The following CLASP1 variants were observed in gnomAD, a reference collection of about 807,000 sequenced individuals.
CLASP1 encodes cytoplasmic linker associated protein 1, also known as CLIP-associating protein 1.
CLASP1 carries 38 observed loss-of-function variants against 192.3 expected under a neutral mutation model. That is an observed-to-expected ratio of 0.20 (90% CI 0.15 to 0.26). The LOEUF (loss-of-function observed/expected upper bound fraction) is 0.26, where lower values mean the gene tolerates loss of function less well. CLASP1 is among the 10% of genes least tolerant of loss of function. The pLI is 1.00. For missense variants in CLASP1, 1,433 were observed against 1,932.5 expected (o/e 0.74, Z 4.85); for synonymous variants, 691 against 712.8 (o/e 0.97, Z 0.49).
At chr2:121,591,250 T>C (rs1210573974) in intron 2 of CLASP1, among the ~76,000 whole-genome samples, 1 of 152,226 alleles carries the variant, frequency 6.6e-6, no homozygotes, top group Non-Finnish European at 1.5e-5. Context: ...GACATCTTTT[T>C]TTACAAGGCT....
chr2:121,394,361 G>T (rs1248093935), intron 30 of CLASP1, among the ~76,000 whole-genome samples: 1 of 152,222 alleles, frequency 6.6e-6, no homozygotes, highest in Non-Finnish European at 1.5e-5. Context: ...CATTTCTGAA[G>T]AAGAGTTTTG....
intron 2 of CLASP1, among the ~76,000 whole-genome samples, chr2:121,583,587 T>C (rs892440250): frequency 2.0e-5 from 3 of 152,232 alleles, no homozygotes; most frequent in Non-Finnish European, 4.4e-5. Flanking sequence ...TAATTCACTC[T>C]TGACTTCACT....
At chr2:121,355,397 G>A (rs1424290932) in intron 37 of CLASP1, among the ~76,000 whole-genome samples, 1 of 152,136 alleles carries the variant, frequency 6.6e-6, no homozygotes, top group East Asian at 1.9e-4. Context: ...CCAAAGTGTT[G>A]GGATTACCGG....
At chr2:121,560,703 G>C (rs74437569) in intron 2 of CLASP1, among the ~76,000 whole-genome samples, 5,633 of 152,224 alleles carry the variant, frequency 0.037, 154 homozygotes, top group East Asian at 0.14. Context: ...GAAGTTAAAT[G>C]CTGGGTGCAT....
At chr2:121,525,256 T>C (rs1025603237) in intron 6 of CLASP1, among the ~76,000 whole-genome samples, 20 of 152,162 alleles carry the variant, frequency 1.3e-4, no homozygotes, top group South Asian at 2.1e-4. Flanking sequence ...ACTTTGTGAA[T>C]TGCCTGGTAA....
chr2:121,445,473 T>G (rs916804003), intron 19 of CLASP1: 5 of 1,289,630 alleles, frequency 3.9e-6, no homozygotes, highest in Non-Finnish European at 4.0e-6. Flanking sequence ...ATGTACTCCA[T>G]GTCTTCCCTC....
rs375994099 is a variant in CLASP1 at position 121,602,203 on chromosome 2, G to A, written c.195+3498C>T. Among the ~76,000 whole-genome samples the A allele has an allele frequency of 4.3e-4, 65 of 151,102 alleles. 1 individual carries two copies. In the South Asian group the frequency reaches 0.012, roughly 28 times the overall value. Reference sequence around the variant, plus strand: ...AAAAAAAAAAGAAGAAGAAGAAAGCGGCAATTCCATTTATGACAGCTACCA... The same window carrying A: ...AAAAAAAAAAGAAGAAGAAGAAAGCAGCAATTCCATTTATGACAGCTACCA... On this transcript the variant is annotated intron_variant, in intron 2 of 39. Coordinates refer to ENST00000263710, the Ensembl canonical transcript of CLASP1.
At chr2:121,419,629 A>C (rs780058302) in intron 22 of CLASP1, among the ~76,000 whole-genome samples, 1 of 152,144 alleles carries the variant, frequency 6.6e-6, no homozygotes, top group Non-Finnish European at 1.5e-5. Flanking sequence ...TACAAGACAG[A>C]ATTGCATGAA....
chr2:121,642,751 T>C (rs915907889), intron 1 of CLASP1, among the ~76,000 whole-genome samples: 19 of 152,030 alleles, frequency 1.2e-4, no homozygotes, highest in African/African-American at 4.6e-4. Context: ...CTCAAACAGT[T>C]TACCAAAATT....
chr2:121,575,713 G>A (rs1297568126), intron 2 of CLASP1, among the ~76,000 whole-genome samples: 3 of 152,166 alleles, frequency 2.0e-5, no homozygotes, highest in Admixed American at 1.3e-4. Context: ...ACATGAAAAC[G>A]AAAAGTAATT....
intron 9 of CLASP1, among the ~76,000 whole-genome samples, chr2:121,463,952 G>A (rs971466851): frequency 2.7e-5 from 4 of 150,518 alleles, no homozygotes; most frequent in Non-Finnish European, 5.9e-5. Context: ...CCATTAACTC[G>A]TCATTTAGCA....
rs2081108974 is a variant in CLASP1 at position 121,429,971 on chromosome 2, T to C, written c.2017+102A>G. ...GTATCTCAGAGCCACAAAAAATGTGTTTTTCCCTCTGAAGTCAATATAGAG... is the reference window on the plus strand; with the variant it reads ...GTATCTCAGAGCCACAAAAAATGTGCTTTTCCCTCTGAAGTCAATATAGAG... On this transcript the variant is annotated intron_variant, in intron 20 of 39. Transcript: ENST00000263710. 5 of 861,774 alleles carry C rather than the reference T, an allele frequency of 5.8e-6. No individual in the cohort carries two copies. In the East Asian group the frequency reaches 1.1e-4, roughly 19 times the overall value. 53.4% of individuals were successfully genotyped at this position (861,774 alleles called of 1,614,324 possible).
Position 121,605,980 on chromosome 2 carries a change from CTT to C in CLASP1, c.-87_-86del. On this transcript the variant is annotated 5_prime_UTR_variant, in exon 2 of 40. The change abolishes the stop of an existing upstream ORF in the 5' untranslated region. Coordinates refer to ENST00000263710, the Ensembl canonical transcript of CLASP1. ...AGCAGACGTATCTGGGAGGTTGCCT[CTT>C]TGTTCGCTGAAGGTTACTAAGAGCC... is the stretch of plus-strand genomic sequence containing the variant. 8.3e-7 allele frequency: 1 copy of C among 1,208,568 alleles called. No individual in the cohort carries two copies. The highest frequency in any genetic ancestry group is 2.4e-5 in the East Asian group (1 of 40,856). 74.9% of individuals were successfully genotyped at this position (1,208,568 alleles called of 1,614,324 possible). A position where few individuals can be genotyped will look rare whatever the true frequency, so the allele number is the denominator to read the frequency against.
chr2:121,562,880 C>A (rs2059207365), intron 2 of CLASP1, among the ~76,000 whole-genome samples: 1 of 152,162 alleles, frequency 6.6e-6, no homozygotes, highest in South Asian at 2.1e-4. Context: ...TGAAGTTGTT[C>A]TAAATTATTT....
intron 30 of CLASP1, among the ~76,000 whole-genome samples, chr2:121,392,394 C>A (rs191186467): frequency 6.6e-6 from 1 of 152,290 alleles, no homozygotes; most frequent in East Asian, 1.9e-4. Context: ...AATAGCAGAG[C>A]TGCAACTGCA....
At chr2:121,474,462 C>T (rs1025049735) in intron 8 of CLASP1, among the ~76,000 whole-genome samples, 2 of 152,132 alleles carry the variant, frequency 1.3e-5, no homozygotes, top group African/African-American at 2.4e-5. Flanking sequence ...GGAGGCCAGG[C>T]GAGGTGGCTC....
chr2:121,560,096 T>C (rs779906666), intron 2 of CLASP1, among the ~76,000 whole-genome samples: 39 of 152,156 alleles, frequency 2.6e-4, no homozygotes, highest in Non-Finnish European at 4.0e-4. Flanking sequence ...TAAGGGAAGC[T>C]GGGTGAAATG....
intron 5 of CLASP1, among the ~76,000 whole-genome samples, 172 bp downstream of exon 5, chr2:121,527,627 G>T (rs964098123): frequency 6.6e-6 from 1 of 152,160 alleles, no homozygotes; most frequent in African/African-American, 2.4e-5. Flanking sequence ...TCCTGGTACT[G>T]ATGCTGTACT....
At chr2:121,460,312 G>A (rs2087637878) in intron 11 of CLASP1, among the ~76,000 whole-genome samples, 187 bp from the exon 12 acceptor site, 1 of 151,994 alleles carries the variant, frequency 6.6e-6, no homozygotes, top group African/African-American at 2.4e-5. Flanking sequence ...TCACAAATAA[G>A]ACTAAATAAT....
Sources: allele counts gnomAD v4.1 joint callset (sites outside exome capture counted in the v4.1 genomes callset), GRCh38; gene constraint gnomAD v4.1.1; transcripts MANE v1.5; gene names NCBI Gene and HGNC (gene_info 2026-07-23, HGNC 2026-07-21).